Variants in GTF2I observed in about 807,000 individuals in gnomAD.
The protein encoded by GTF2I is general transcription factor II-I.
In GTF2I, 12 loss-of-function variants were observed where a neutral mutation model predicts 67.6. The ratio of observed to expected loss-of-function variants is 0.18; its 90% CI spans 0.11 to 0.29. The LOEUF (loss-of-function observed/expected upper bound fraction) is 0.29. Ranked by LOEUF, GTF2I falls within the 10% of genes least tolerant of loss-of-function variation. The pLI, the probability that GTF2I is intolerant of heterozygous loss-of-function variation, is 1.00. For missense variants in GTF2I, 271 were observed against 580.1 expected (o/e 0.47, Z 5.47); for synonymous variants, 149 against 197.0 (o/e 0.76, Z 2.04).
intron 12 of GTF2I, among the ~76,000 whole-genome samples, chr7:74,719,919 C>CA (rs1291822406): frequency 5.3e-4 from 79 of 148,608 alleles, no homozygotes; most frequent in Admixed American, 4.7e-3. Context: ...AACTCCATCT[C>CA]AAAAAAAAAA....
intron 3 of GTF2I, among the ~76,000 whole-genome samples, chr7:74,695,049 T>C (rs1204465014): frequency 6.6e-6 from 1 of 152,206 alleles, no homozygotes; most frequent in East Asian, 1.9e-4. Context: ...AAAAGATTGC[T>C]TTCAAAATAT....
At chr7:74,732,180 T>C (rs1277153471) in intron 14 of GTF2I, among the ~76,000 whole-genome samples, 1 of 149,296 alleles carries the variant, frequency 6.7e-6, no homozygotes. Context: ...TATACATATA[T>C]ATATAACACA....
chr7:74,700,997 C>T (rs1375626408), intron 6 of GTF2I, among the ~76,000 whole-genome samples: 1 of 152,212 alleles, frequency 6.6e-6, no homozygotes, highest in East Asian at 1.9e-4. Flanking sequence ...CTTTTGAGAG[C>T]TGTGAGTCTC....
At chr7:74,693,032 G>A (rs1788486167) in intron 3 of GTF2I, among the ~76,000 whole-genome samples, 1 of 152,034 alleles carries the variant, frequency 6.6e-6, no homozygotes, top group African/African-American at 2.4e-5. Flanking sequence ...AAAGTGCTGG[G>A]ATTACAGGCA....
chr7:74,705,620 C>T (rs587662746), intron 7 of GTF2I, among the ~76,000 whole-genome samples: 15 of 150,602 alleles, frequency 1.0e-4, no homozygotes, highest in South Asian at 2.1e-4. Flanking sequence ...TGAAGTGGCG[C>T]GATCTCGGCT....
intron 1 of GTF2I, among the ~76,000 whole-genome samples, chr7:74,669,922 C>T (rs1269818487): frequency 6.6e-6 from 1 of 152,098 alleles, no homozygotes; most frequent in African/African-American, 2.4e-5. Flanking sequence ...TTAAAAGGTA[C>T]ACATACTTCA....
At chr7:74,730,713 C>T (rs1412531792) in intron 14 of GTF2I, among the ~76,000 whole-genome samples, 80 of 63,856 alleles carry the variant, frequency 1.3e-3, no homozygotes, top group South Asian at 5.1e-3. Context: ...CTACTTTTAT[C>T]TTTTTTTTTT....
intron 12 of GTF2I, chr7:74,722,831 TA>T (rs1236294481): frequency 6.6e-6 from 1 of 152,214 alleles, no homozygotes; most frequent in Non-Finnish European, 1.5e-5. Context: ...CTGTGTTTTT[TA>T]TTTTTATAGC....
At chr7:74,678,921 G>A (rs1241078641) in intron 1 of GTF2I, among the ~76,000 whole-genome samples, 2 of 146,694 alleles carry the variant, frequency 1.4e-5, no homozygotes, top group Non-Finnish European at 3.0e-5. Flanking sequence ...CCAGGTGTGC[G>A]CCACCATGCC....
chr7:74,724,387 A>C (rs587667753), intron 12 of GTF2I, among the ~76,000 whole-genome samples: 1 of 152,338 alleles, frequency 6.6e-6, no homozygotes, highest in East Asian at 1.9e-4. Context: ...GTATCAGAAC[A>C]TATTGTAACA....
At position 74,719,396 on chromosome 7, in the gene GTF2I, G is replaced by A. The variant is rs117816659; in HGVS notation, c.943+455G>A. Among the ~76,000 whole-genome samples, 33 of 152,242 alleles carry A rather than the reference G, an allele frequency of 2.2e-4. No homozygotes were observed. In the East Asian group the frequency reaches 6.4e-3, roughly 29 times the overall value. ...AACGACCCGCAAATACTACTTAGAGGCTGACATACAATTTATCTTTCAAAA... is the reference window on the plus strand; with the variant it reads ...AACGACCCGCAAATACTACTTAGAGACTGACATACAATTTATCTTTCAAAA... On this transcript the variant is annotated intron_variant, in intron 12 of 34. Coordinates refer to ENST00000573035, the MANE Select transcript of GTF2I (RefSeq NM_032999.4).
chr7:74,724,651 A>T (rs1405577812), intron 12 of GTF2I, among the ~76,000 whole-genome samples: 1 of 152,178 alleles, frequency 6.6e-6, no homozygotes, highest in African/African-American at 2.4e-5. Context: ...AAAATGGGCC[A>T]GGTGTGGTGG....
intron 16 of GTF2I, among the ~76,000 whole-genome samples, 182 bp downstream of exon 16, chr7:74,734,163 ATCT>A (rs1260492011): frequency 3.7e-5 from 5 of 136,022 alleles, no homozygotes; most frequent in African/African-American, 1.1e-4. Flanking sequence ...GAATAAACGC[ATCT>A]TCTTTTTATT....
At chr7:74,712,534 G>GCA (rs1791718373) in intron 9 of GTF2I, among the ~76,000 whole-genome samples, 1 of 122,174 alleles carries the variant, frequency 8.2e-6, no homozygotes, top group Admixed American at 8.7e-5. Flanking sequence ...GTGTGTGTGT[G>GCA]TGTCATGTCA....
chr7:74,728,438 GC>G (rs1193724236), intron 12 of GTF2I, among the ~76,000 whole-genome samples: 1 of 145,006 alleles, frequency 6.9e-6, no homozygotes, highest in African/African-American at 2.6e-5. Context: ...ACTTTAGGTG[GC>G]TGTCTTTATT....
chr7:74,686,172 G>T (rs1386886684), intron 1 of GTF2I, among the ~76,000 whole-genome samples: 1 of 152,124 alleles, frequency 6.6e-6, no homozygotes, highest in Non-Finnish European at 1.5e-5. Context: ...GAGATACTTT[G>T]AATTTTCCAT....
chr7:74,690,838 G>T, intron 2 of GTF2I, 135 bp from the exon 3 acceptor site: 1 of 785,534 alleles, frequency 1.3e-6, no homozygotes, highest in South Asian at 1.6e-5. Flanking sequence ...GTTGTCTTTT[G>T]TTTAAAATCA....
intron 8 of GTF2I, 75 bp downstream of exon 8, chr7:74,706,508 A>G (rs1790716775): frequency 9.1e-7 from 1 of 1,102,290 alleles, no homozygotes. Context: ...TTATAGTTTG[A>G]CTCAATTATT....
At chr7:74,690,639 G>C (rs138373499) in intron 2 of GTF2I, among the ~76,000 whole-genome samples, 23 of 152,272 alleles carry the variant, frequency 1.5e-4, no homozygotes, top group African/African-American at 4.8e-4. Flanking sequence ...CCAGCTCCCA[G>C]CTCTGGGTGC....
Sources: allele counts gnomAD v4.1 joint callset (sites outside exome capture counted in the v4.1 genomes callset), GRCh38; gene constraint gnomAD v4.1.1; transcripts MANE v1.5; gene names NCBI Gene and HGNC (gene_info 2026-07-23, HGNC 2026-07-21).